Variants in CLDN7 observed in about 807,000 individuals in gnomAD.
The protein encoded by CLDN7 is claudin 7, also known as claudin-7.
A neutral mutation model predicts 20.3 loss-of-function variants in CLDN7; 15 were observed. The observed-to-expected ratio is 0.74, with a 90% CI of 0.49 to 1.14. CLDN7 has a LOEUF of 1.14. Ranked by LOEUF, CLDN7 falls within the 50% of genes most tolerant of loss-of-function variation. The pLI, the probability that CLDN7 is intolerant of heterozygous loss-of-function variation, is 0.00. For missense variants in CLDN7, 261 were observed against 274.2 expected (o/e 0.95, Z 0.34); for synonymous variants, 117 against 106.1 (o/e 1.10, Z -0.63).
intron 1 of CLDN7, 117 bp from the exon 2 acceptor site, chr17:7,261,102 C>T (rs1283085181): frequency 2.9e-6 from 4 of 1,402,814 alleles, no homozygotes; most frequent in East Asian, 2.5e-5. Context: ...CGTGTTCTGC[C>T]GAGGGCCAGG....
Position 7,259,993 on chromosome 17 carries a change from C to A in CLDN7, c.*381G>T. On this transcript the variant is annotated 3_prime_UTR_variant, in exon 4 of 4. Coordinates refer to ENST00000360325, the MANE Select transcript of CLDN7 (RefSeq NM_001307.6). ...GGGGGTGGGAATGAATGTCGAGATA[C>A]GAGCACCTGCATCTTTTAGTCAATT... 2.9e-6 allele frequency: 1 copy of A among 340,812 alleles called. No individual in the cohort carries two copies. Among genetic ancestry groups the A allele is most frequent in the Non-Finnish European group, 5.3e-6 (1 of 188,048 alleles). 21.1% of individuals were successfully genotyped at this position (340,812 alleles called of 1,614,324 possible).
rs1035782629 is a variant in CLDN7, at chr17:7,260,211, C to G, written c.*163G>C. On this transcript the variant is annotated 3_prime_UTR_variant, in exon 4 of 4. Transcript: ENST00000360325. ...CTTTTTGTCTCTCCCACCAACGGCA[C>G]CCCCCCACCCCCAACCCAAGAGGAC... The G allele has an allele frequency of 9.3e-6, 5 of 539,202 alleles. No individual in the cohort carries two copies. The highest frequency in any genetic ancestry group is 3.9e-5 in the East Asian group (1 of 25,630). The allele number at this position is 539,202 out of a possible 1,614,324, so 33.4% of individuals were successfully genotyped here.
chr17:7,261,679 G>A, intron 1 of CLDN7, 142 bp downstream of exon 1: 1 of 174,572 alleles, frequency 5.7e-6, no homozygotes, highest in Non-Finnish European at 1.1e-5. Context: ...GCCCAGCCCC[G>A]CCGCCCCCAG....
At position 7,262,418 on chromosome 17, in the gene CLDN7, G is replaced by A; in HGVS notation, c.-375C>T. The A allele has an allele frequency of 8.9e-7, 1 of 1,120,358 alleles. No individual in the cohort carries two copies. Among genetic ancestry groups the A allele is most frequent in the Non-Finnish European group, 1.1e-6 (1 of 910,184 alleles). 69.4% of individuals were successfully genotyped at this position (1,120,358 alleles called of 1,614,324 possible). A position where few individuals can be genotyped will look rare whatever the true frequency, so the allele number is the denominator to read the frequency against. On this transcript the variant is annotated 5_prime_UTR_variant, in exon 1 of 4. Transcript: ENST00000360325. The surrounding 1 kb of genome is among the most constrained non-coding windows in gnomAD (Gnocchi z 6.6). The stretch of plus-strand genomic sequence containing the variant: ...GGCAAGTCCCAAAGTATCCTGGGCT[G>A]TAGGTCCGAGGCTGCGGTGCGCAGC...
Position 7,260,415 on chromosome 17 carries a change from G to A in CLDN7, c.595C>T (p.Arg199Cys), listed in dbSNP as rs200370674. The A allele has an allele frequency of 1.9e-4, 303 of 1,613,462 alleles. No individual in the cohort carries two copies. Among genetic ancestry groups the A allele is most frequent in the Middle Eastern group, 8.3e-4 (5 of 6,058 alleles). ...GAAGAGTTGGACTTAGGGTAAGAGC[G>A]GGGTACACGGTACCCAGCCTTGCTC... ...NESKAGYRVPRSYPKSNSSKE... is the reference protein window; with the variant it reads ...NESKAGYRVPCSYPKSNSSKE... The change falls in exon 4 of 4, where the codon CGC becomes TGC. Residue 199 changes from arginine to cysteine, a missense_variant. Coordinates refer to ENST00000360325, the MANE Select transcript of CLDN7 (RefSeq NM_001307.6).
chr17:7,260,643 T>A lies in CLDN7; in HGVS notation c.472A>T (p.Lys158Ter). ...FYNPLIPTNI[K>*]YEFGPAIFIG... ...AGGAGGCAGGGTTCCCAGACTTACT[T>A]AATGTTGGTAGGGATCAAAGGGTTA... The change falls in exon 3 of 4, where the codon AAG (lysine) becomes TAG (stop). Residue 158 changes from lysine to a stop codon, truncating the protein, a stop_gained and splice_region_variant. Transcript: ENST00000360325. LOFTEE classifies it high-confidence loss of function. The A allele has an allele frequency of 1.2e-6, 2 of 1,614,102 alleles. No homozygotes were observed. Among genetic ancestry groups the A allele is most frequent in the Non-Finnish European group, 1.7e-6 (2 of 1,180,006 alleles).
rs757459277 is a variant in CLDN7 at position 7,260,926 on chromosome 17, T to C, written c.283A>G (p.Met95Val). ...VVSLVLGFLA[M>V]FVATMGMKCT... ...TTCATGCCCATCGTGGCCACAAACA[T>C]GGCCAGGAAGCCCAGCACCAGGGAG... Residue 95 changes from methionine to valine, a missense_variant, in exon 2 of 4, where the codon ATG becomes GTG. Transcript: ENST00000360325. The C allele has an allele frequency of 1.9e-6, 3 of 1,614,056 alleles. No homozygotes were observed. Among genetic ancestry groups the C allele is most frequent in the South Asian group, 1.1e-5 (1 of 91,086 alleles).
In CLDN7 at chr17:7,260,680, G is replaced by A; in HGVS notation, c.435C>T (p.Val145=). ...VACSWYGHQI[V]TDFYNPLIPT... is the part of the protein sequence containing the mutation. ...GGATCAAAGGGTTATAAAAGTCTGT[G>A]ACAATCTGATGGCCATACCAGGAGC... The change falls in exon 3 of 4, where the codon GTC becomes GTT. Residue 145 remains valine (V), a synonymous_variant. Coordinates refer to ENST00000360325, the MANE Select transcript of CLDN7 (RefSeq NM_001307.6). 1 of 1,614,222 alleles carries A rather than the reference G, an allele frequency of 6.2e-7. No individual in the cohort carries two copies. The highest frequency in any genetic ancestry group is 8.5e-7 in the Non-Finnish European group (1 of 1,180,046).
chr17:7,261,470 CGCCCCGG>C (rs750142416), intron 1 of CLDN7, among the ~76,000 whole-genome samples: 7 of 152,150 alleles, frequency 4.6e-5, no homozygotes, highest in Non-Finnish European at 8.8e-5. Flanking sequence ...CCGTGCCCCG[CGCCCCGG>C]GGCCGTTTCT....
At chr17:7,262,505 T>A, upstream of CLDN7, 1 of 709,710 alleles carries the variant, frequency 1.4e-6, no homozygotes, top group Non-Finnish European at 1.7e-6. The surrounding 1 kb of genome is among the most constrained non-coding windows in gnomAD (Gnocchi z 6.6). Flanking sequence ...CCTGAGTATA[T>A]GTAGGGCGTC....
intron 1 of CLDN7, 91 bp from the exon 2 acceptor site, chr17:7,261,076 C>T (rs2072205651): frequency 2.7e-6 from 4 of 1,467,322 alleles, no homozygotes; most frequent in Middle Eastern, 2.4e-4. Flanking sequence ...ACCGCTGGAC[C>T]TCTTCTGTCC....
Position 7,262,274 on chromosome 17 carries a change from G to C in CLDN7, c.-231C>G. The C allele has an allele frequency of 7.1e-7, 1 of 1,400,868 alleles. No individual in the cohort carries two copies. The highest frequency in any genetic ancestry group is 9.3e-7 in the Non-Finnish European group (1 of 1,079,196). The allele number at this position is 1,400,868 out of a possible 1,614,324, so 86.8% of individuals were successfully genotyped here. ...CGGCACAGGGAGTAGGATACGCCGGGAGGGTGGTTCCAGACAAAATTGGTG... is the reference window on the plus strand; with the variant it reads ...CGGCACAGGGAGTAGGATACGCCGGCAGGGTGGTTCCAGACAAAATTGGTG... On this transcript the variant is annotated 5_prime_UTR_variant, in exon 1 of 4. Coordinates refer to ENST00000360325, the MANE Select transcript of CLDN7 (RefSeq NM_001307.6). The surrounding 1 kb of genome is among the most constrained non-coding windows in gnomAD (Gnocchi z 6.6).
intron 1 of CLDN7, among the ~76,000 whole-genome samples, 168 bp downstream of exon 1, chr17:7,261,653 A>G (rs1423247601): frequency 1.3e-5 from 2 of 151,434 alleles, no homozygotes; most frequent in African/African-American, 2.4e-5. Flanking sequence ...AGCCGCCGGA[A>G]CCCCGGCCCG....
At position 7,260,251 on chromosome 17, in the gene CLDN7, A is replaced by AG. The variant is rs899819649; in HGVS notation, c.*122dup. On this transcript the variant is annotated 3_prime_UTR_variant, in exon 4 of 4. Coordinates refer to ENST00000360325, the MANE Select transcript of CLDN7 (RefSeq NM_001307.6). ...CCCAAGAGGACTATACATGGAGTGC[A>AG]GGGACAGAGTGACCAGGAGGCCTTT... 9.8e-6 allele frequency: 8 copies of AG among 815,112 alleles called. No homozygotes were observed. The highest frequency in any genetic ancestry group is 1.5e-5 in the Non-Finnish European group (8 of 547,486). 50.5% of individuals were successfully genotyped at this position (815,112 alleles called of 1,614,324 possible).
At position 7,260,228 on chromosome 17, in the gene CLDN7, CA is replaced by C; in HGVS notation, c.*145del. ...CAACGGCACCCCCCCACCCCCAACC[CA>C]AGAGGACTATACATGGAGTGCAGGG... On this transcript the variant is annotated 3_prime_UTR_variant, in exon 4 of 4. Transcript: ENST00000360325. 1.4e-6 allele frequency: 1 copy of C among 730,654 alleles called. No individual in the cohort carries two copies. The highest frequency in any genetic ancestry group is 2.1e-6 in the Non-Finnish European group (1 of 486,506). 45.3% of individuals were successfully genotyped at this position (730,654 alleles called of 1,614,324 possible). A position where few individuals can be genotyped will look rare whatever the true frequency, so the allele number is the denominator to read the frequency against.
In CLDN7 at chr17:7,260,880, T is replaced by A. The variant is rs1430383436; in HGVS notation, c.329A>T (p.Asp110Val). The change falls in exon 2 of 4, where the codon GAC (aspartate) becomes GTC (valine). Residue 110 changes from aspartate (D) to valine (V), a missense_variant. Around this residue, in one of 2 missense-constraint regions of CLDN7, gnomAD observed 215 missense variants for 199.6 expected, o/e 1.08. Coordinates refer to ENST00000360325, the MANE Select transcript of CLDN7 (RefSeq NM_001307.6). ...MGMKCTRCGG[D>V]DKVKKARIAM... is the part of the protein sequence containing the mutation. The stretch of plus-strand genomic sequence containing the variant: ...TATACGGGCCTTCTTCACTTTGTCG[T>A]CTCCCCCACAGCGCGTGCACTTCAT... The A allele has an allele frequency of 3.1e-6, 5 of 1,614,174 alleles. No individual in the cohort carries two copies. The highest frequency in any genetic ancestry group is 4.2e-6 in the Non-Finnish European group (5 of 1,180,040).
At position 7,261,801 on chromosome 17, in the gene CLDN7, C is replaced by T. The variant is rs748863158; in HGVS notation, c.223+20G>A. The T allele has an allele frequency of 5.0e-6, 8 of 1,609,246 alleles. No individual in the cohort carries two copies. The highest frequency in any genetic ancestry group is 6.8e-6 in the Non-Finnish European group (8 of 1,179,542). On this transcript the variant is annotated intron_variant, in intron 1 of 3. Transcript: ENST00000360325. The stretch of plus-strand genomic sequence containing the variant: ...ACCTCGGTCAAGGGCGCGTCCGCCC[C>T]GTCGGTCCCGCGGCCTTACCGGACA...
At chr17:7,261,336 C>T (rs1340131536) in intron 1 of CLDN7, among the ~76,000 whole-genome samples, 2 of 152,208 alleles carry the variant, frequency 1.3e-5, no homozygotes, top group Admixed American at 6.5e-5. Context: ...GCCGGCGTCC[C>T]TGCTCTGAGC....
chr17:7,260,036 G>A lies in CLDN7; in HGVS notation c.*338C>T, dbSNP rs2072179194. ...AGTCAATTGTCAGTGGAGTCAGTGGGGTGCTAAGTGTTCTGAACTGAAGTA... is the reference window on the plus strand; with the variant it reads ...AGTCAATTGTCAGTGGAGTCAGTGGAGTGCTAAGTGTTCTGAACTGAAGTA... On this transcript the variant is annotated 3_prime_UTR_variant, in exon 4 of 4. Coordinates refer to ENST00000360325, the MANE Select transcript of CLDN7 (RefSeq NM_001307.6). The A allele has an allele frequency of 3.0e-6, 1 of 335,090 alleles. No individual in the cohort carries two copies. The highest frequency in any genetic ancestry group is 5.4e-5 in the South Asian group (1 of 18,578). 20.8% of individuals were successfully genotyped at this position (335,090 alleles called of 1,614,324 possible). A position where few individuals can be genotyped will look rare whatever the true frequency, so the allele number is the denominator to read the frequency against.
Sources: allele counts gnomAD v4.1 joint callset (sites outside exome capture counted in the v4.1 genomes callset), GRCh38; gene constraint gnomAD v4.1.1; regional missense constraint gnomAD v4.1.1; non-coding constraint Gnocchi (gnomAD v3.1); transcripts MANE v1.5; gene names NCBI Gene and HGNC (gene_info 2026-07-23, HGNC 2026-07-21).